PIK3CB: variants seen among roughly 807,000 people sequenced by gnomAD.
The protein encoded by PIK3CB is phosphatidylinositol 4,5-bisphosphate 3-kinase catalytic subunit beta isoform.
PIK3CB carries 39 observed loss-of-function variants against 136.8 expected under a neutral mutation model. The ratio of observed to expected loss-of-function variants is 0.29; its 90% CI spans 0.22 to 0.37. PIK3CB has a LOEUF of 0.37. Among genes scored for constraint, PIK3CB ranks in the 10% least tolerant of loss-of-function variants. PIK3CB has a pLI of 1.00. For synonymous variants in PIK3CB, 428 were observed against 436.6 expected (o/e 0.98, Z 0.25); for missense variants, 868 against 1,275.4 (o/e 0.68, Z 4.87).
chr3:138,745,635 A>G (rs943216108), intron 4 of PIK3CB, among the ~76,000 whole-genome samples: 3 of 152,022 alleles, frequency 2.0e-5, no homozygotes, highest in Non-Finnish European at 4.4e-5. Context: ...CCCATCTCAA[A>G]AAAAAAGGCA....
intron 1 of PIK3CB, among the ~76,000 whole-genome samples, chr3:138,812,759 C>T (rs1576427879): frequency 6.6e-6 from 1 of 151,736 alleles, no homozygotes; most frequent in South Asian, 2.1e-4. Context: ...GAACTCCTTA[C>T]ATCAGGTGAT....
At chr3:138,713,030 A>G (rs1414531079) in intron 9 of PIK3CB, among the ~76,000 whole-genome samples, 2 of 152,168 alleles carry the variant, frequency 1.3e-5, no homozygotes, top group Non-Finnish European at 2.9e-5. Context: ...ACTTTTATAC[A>G]AACATTTAAA....
chr3:138,718,401 T>C (rs1423053067), intron 8 of PIK3CB, among the ~76,000 whole-genome samples: 1 of 152,182 alleles, frequency 6.6e-6, no homozygotes, highest in Non-Finnish European at 1.5e-5. Flanking sequence ...TTAAATTCCT[T>C]ATAGATACTG....
intron 1 of PIK3CB, chr3:138,826,375 A>C: frequency 6.6e-7 from 1 of 1,523,384 alleles, no homozygotes; most frequent in Non-Finnish European, 9.0e-7. Context: ...CAGTGGTGGA[A>C]GAATAGCCTC....
Position 138,698,967 on chromosome 3 carries a change from T to C in PIK3CB, c.1710A>G (p.Pro570=), listed in dbSNP as rs762938623. ...ACAGCAGTAATTTTGGCAGTGATTGTGGGAAAATCTCTCGGCAGTCTTGTC... is the reference window on the plus strand; with the variant it reads ...ACAGCAGTAATTTTGGCAGTGATTGCGGGAAAATCTCTCGGCAGTCTTGTC... ...TLRQDCREIF[P]QSLPKLLLSI... is the part of the protein sequence containing the mutation. The change falls in exon 13 of 24, where the codon CCA becomes CCG. Residue 570 remains proline, a synonymous_variant. Coordinates refer to ENST00000674063, the MANE Select transcript of PIK3CB (RefSeq NM_006219.3). 4 of 1,603,544 alleles carry C rather than the reference T, an allele frequency of 2.5e-6. No individual in the cohort carries two copies.
intron 1 of PIK3CB, among the ~76,000 whole-genome samples, chr3:138,809,494 T>C (rs2046270209): frequency 6.7e-6 from 1 of 149,220 alleles, no homozygotes; most frequent in African/African-American, 2.5e-5. Context: ...AAATCCCACC[T>C]ACTCAGGAGG....
At chr3:138,821,824 T>A (rs1933574714) in intron 1 of PIK3CB, among the ~76,000 whole-genome samples, 1 of 151,690 alleles carries the variant, frequency 6.6e-6, no homozygotes, top group Non-Finnish European at 1.5e-5. Flanking sequence ...AAAATATTAA[T>A]AATGGAATGG....
intron 1 of PIK3CB, among the ~76,000 whole-genome samples, chr3:138,803,594 G>T (rs1434001188): frequency 6.6e-6 from 1 of 152,176 alleles, no homozygotes. Flanking sequence ...CAAGGGAAAA[G>T]AATTCCTTTT....
At position 138,655,276 on chromosome 3, in the gene PIK3CB, C is replaced by T; in HGVS notation, c.*113G>A. 1 of 1,045,734 alleles carries T rather than the reference C, an allele frequency of 9.6e-7. No homozygotes were observed. The highest frequency in any genetic ancestry group is 2.4e-5 in the East Asian group (1 of 41,706). 64.8% of individuals were successfully genotyped at this position (1,045,734 alleles called of 1,614,324 possible). ...CTTGTTCTTAATTTAACTCTGAGTT[C>T]CAGGATTTCATTCCCTTTATAACAT... On this transcript the variant is annotated 3_prime_UTR_variant, in exon 24 of 24. Transcript: ENST00000674063.
At chr3:138,728,407 A>C (rs2044888355) in intron 8 of PIK3CB, among the ~76,000 whole-genome samples, 1 of 152,206 alleles carries the variant, frequency 6.6e-6, no homozygotes, top group African/African-American at 2.4e-5. Context: ...AGTCAAATTT[A>C]ATAATGTATA....
intron 4 of PIK3CB, among the ~76,000 whole-genome samples, chr3:138,746,244 G>A (rs2045352028): frequency 6.6e-6 from 1 of 152,096 alleles, no homozygotes; most frequent in Non-Finnish European, 1.5e-5. Context: ...AATCTGTTCA[G>A]GCAGGTATCT....
intron 1 of PIK3CB, among the ~76,000 whole-genome samples, chr3:138,807,830 G>C (rs2046251006): frequency 6.6e-6 from 1 of 151,930 alleles, no homozygotes; most frequent in Non-Finnish European, 1.5e-5. Context: ...GGGAGGTTGA[G>C]GCTGCAGTGA....
intron 2 of PIK3CB, among the ~76,000 whole-genome samples, chr3:138,759,829 T>A (rs189722919): frequency 6.6e-6 from 1 of 152,238 alleles, no homozygotes; most frequent in African/African-American, 2.4e-5. Context: ...TTAGGCTGAG[T>A]TTTTCTCTGC....
Position 138,755,213 on chromosome 3 carries a change from T to C in PIK3CB, c.397+541A>G, listed in dbSNP as rs544361148. The stretch of plus-strand genomic sequence containing the variant: ...TTGGCATAGAGAGTTGTGTATAAAA[T>C]ATGTTCATTCTATAGGAGCAGTTCA... On this transcript the variant is annotated intron_variant, in intron 4 of 23. Transcript: ENST00000674063. Among the ~76,000 whole-genome samples the C allele has an allele frequency of 2.0e-5, 3 of 152,340 alleles. No homozygotes were observed. The South Asian group carries it at 6.2e-4, about 32-fold the overall frequency.
intron 19 of PIK3CB, among the ~76,000 whole-genome samples, chr3:138,666,066 GA>G (rs1372271238): frequency 6.6e-6 from 1 of 152,200 alleles, no homozygotes; most frequent in African/African-American, 2.4e-5. Flanking sequence ...AATACATTCT[GA>G]AAAATAGATT....
intron 8 of PIK3CB, among the ~76,000 whole-genome samples, chr3:138,729,213 G>A (rs565951584): frequency 2.0e-4 from 31 of 151,904 alleles, no homozygotes; most frequent in South Asian, 1.3e-3. Flanking sequence ...CCCGGGAGGC[G>A]GAGGTTGCAG....
intron 19 of PIK3CB, among the ~76,000 whole-genome samples, chr3:138,665,652 T>C (rs1160186267): frequency 1.3e-5 from 2 of 152,196 alleles, no homozygotes; most frequent in African/African-American, 4.8e-5. Flanking sequence ...CATTACAGCC[T>C]CTACTTGCCA....
At chr3:138,679,936 TAAAAA>T (rs61222749) in intron 19 of PIK3CB, among the ~76,000 whole-genome samples, 1 of 110,850 alleles carries the variant, frequency 9.0e-6, no homozygotes, top group Admixed American at 8.8e-5. Context: ...AACACAAAAG[TAAAAA>T]AAAAAAAAAA....
rs547567595 is a variant in PIK3CB at position 138,809,374 on chromosome 3, G to A, written c.-121-12807C>T. Among the ~76,000 whole-genome samples the A allele has an allele frequency of 3.3e-5, 5 of 151,984 alleles. No homozygotes were observed. In the East Asian group the frequency reaches 9.7e-4, roughly 29 times the overall value. On this transcript the variant is annotated intron_variant, in intron 1 of 23. Coordinates refer to ENST00000674063, the MANE Select transcript of PIK3CB (RefSeq NM_006219.3). ...TAATCCCAGCACTTTGGGAGGCCGA[G>A]GCGGGCGGATCACCTGAGGTCAGGA... is the stretch of plus-strand genomic sequence containing the variant.
Sources: gnomAD v4.1 joint callset for allele counts (sites outside exome capture counted in the v4.1 genomes callset) on GRCh38, gnomAD v4.1.1 for gene constraint, MANE v1.5 for transcripts, NCBI Gene and HGNC (gene_info 2026-07-23, HGNC 2026-07-21) for gene names.